Variants in MIPOL1 observed in about 807,000 individuals in gnomAD.
MIPOL1 encodes the protein mirror-image polydactyly gene 1 protein.
MIPOL1 carries 57 observed loss-of-function variants against 60.9 expected under a neutral mutation model. That is an observed-to-expected ratio of 0.94 (90% CI 0.76 to 1.17). The LOEUF is 1.17. MIPOL1 is among the 50% of genes most tolerant of loss of function. MIPOL1 has a pLI of 0.00. For missense variants in MIPOL1, 551 were observed against 511.6 expected, an observed-to-expected ratio of 1.08 and a Z score of -0.74; for synonymous variants, 179 against 168.8, an observed-to-expected ratio of 1.06 and a Z score of -0.47.
intron 10 of MIPOL1, among the ~76,000 whole-genome samples, chr14:37,398,743 A>T (rs1213006931): frequency 1.3e-5 from 2 of 152,232 alleles, no homozygotes; most frequent in Non-Finnish European, 2.9e-5. Context: ...GGTGTGCAGG[A>T]CATTGAACGA....
intron 9 of MIPOL1, among the ~76,000 whole-genome samples, chr14:37,366,884 C>G (rs1030934376): frequency 2.6e-5 from 4 of 151,930 alleles, no homozygotes; most frequent in African/African-American, 9.7e-5. Flanking sequence ...GCTGAATTGA[C>G]CACTTTATCA....
chr14:37,323,210 C>A (rs1003956358), intron 9 of MIPOL1, among the ~76,000 whole-genome samples: 2 of 152,082 alleles, frequency 1.3e-5, no homozygotes, highest in Admixed American at 1.3e-4. Context: ...CCAGTTTTCC[C>A]AACACCATTT....
rs150491486 is a variant in MIPOL1, at chr14:37,545,899, G to A, written c.1263-1006G>A. On this transcript the variant is annotated intron_variant, in intron 12 of 12. Transcript: ENST00000684589. ...ACTGTGAAGCAGACTAGACTGTGCC[G>A]CTTACCGTAAAGTCTTTGAGAGAGG... The A allele has an allele frequency of 3.4e-3, 1,182 of 343,182 alleles. 13 individuals are homozygous for A. Among genetic ancestry groups the A allele is most frequent in the African/African-American group, 0.018 (874 of 47,710 alleles). The allele number at this position is 343,182 out of a possible 1,614,324, so 21.3% of individuals were successfully genotyped here.
At chr14:37,486,285 G>C (rs1390503039) in intron 11 of MIPOL1, among the ~76,000 whole-genome samples, 1 of 152,106 alleles carries the variant, frequency 6.6e-6, no homozygotes, top group Non-Finnish European at 1.5e-5. Context: ...CTCCAGCTTT[G>C]TTCTTTTTGC....
chr14:37,372,069 T>G (rs1341302978), intron 10 of MIPOL1, among the ~76,000 whole-genome samples: 1 of 152,088 alleles, frequency 6.6e-6, no homozygotes, highest in Non-Finnish European at 1.5e-5. Context: ...CTGCCAATAA[T>G]ATTTTTAGTA....
At chr14:37,526,309 A>G (rs1190112018) in intron 12 of MIPOL1, among the ~76,000 whole-genome samples, 1 of 148,996 alleles carries the variant, frequency 6.7e-6, no homozygotes, top group Non-Finnish European at 1.5e-5. Context: ...GTTTAGAATT[A>G]TTGCTGTACT....
intron 9 of MIPOL1, among the ~76,000 whole-genome samples, chr14:37,319,949 A>G (rs2088379634): frequency 6.6e-6 from 1 of 152,090 alleles, no homozygotes; most frequent in Non-Finnish European, 1.5e-5. Context: ...TAACTACTGT[A>G]TGTTGATCTG....
intron 12 of MIPOL1, among the ~76,000 whole-genome samples, chr14:37,521,893 A>AAAATATAT (rs371492296): frequency 4.2e-4 from 52 of 123,564 alleles, no homozygotes; most frequent in African/African-American, 1.6e-3. Context: ...AAGAAAAAAA[A>AAAATATAT]ATATATATAT....
At chr14:37,545,647 C>T in intron 12 of MIPOL1, 1 of 643,648 alleles carries the variant, frequency 1.6e-6, no homozygotes, top group Non-Finnish European at 2.8e-6. Flanking sequence ...GTTTTATTTT[C>T]CTGTTTTTTG....
intron 9 of MIPOL1, among the ~76,000 whole-genome samples, chr14:37,335,463 A>G (rs2090038082): frequency 6.6e-6 from 1 of 152,048 alleles, no homozygotes; most frequent in Non-Finnish European, 1.5e-5. Flanking sequence ...TTCTTTGTCT[A>G]TGAAGTTGAG....
At chr14:37,233,768 C>T (rs963711017) in intron 1 of MIPOL1, among the ~76,000 whole-genome samples, 1 of 152,158 alleles carries the variant, frequency 6.6e-6, no homozygotes, top group African/African-American at 2.4e-5. Flanking sequence ...CTTTTCTAGG[C>T]ATTTTTCTGC....
At chr14:37,445,756 AG>A (rs2094323853) in intron 11 of MIPOL1, among the ~76,000 whole-genome samples, 1 of 152,020 alleles carries the variant, frequency 6.6e-6, no homozygotes, top group South Asian at 2.1e-4. Context: ...CAGAGCCCTC[AG>A]AAATAACACC....
chr14:37,410,076 T>A (rs2093656556), intron 10 of MIPOL1, among the ~76,000 whole-genome samples: 1 of 152,180 alleles, frequency 6.6e-6, no homozygotes, highest in East Asian at 1.9e-4. Context: ...TGAGGAATTC[T>A]AACATGAAGG....
intron 11 of MIPOL1, among the ~76,000 whole-genome samples, chr14:37,458,200 A>G (rs1401198010): frequency 6.6e-6 from 1 of 152,156 alleles, no homozygotes; most frequent in Non-Finnish European, 1.5e-5. Flanking sequence ...AAAGAGATAA[A>G]CAGCAATACA....
At chr14:37,485,859 GC>G (rs2094938643) in intron 11 of MIPOL1, among the ~76,000 whole-genome samples, 1 of 152,006 alleles carries the variant, frequency 6.6e-6, no homozygotes, top group Non-Finnish European at 1.5e-5. Flanking sequence ...GTCAATTTTG[GC>G]TTTTGTTGCC....
Position 37,270,440 on chromosome 14 carries a change from A to G in MIPOL1, c.408A>G (p.Lys136=). 1 of 1,590,086 alleles carries G rather than the reference A, an allele frequency of 6.3e-7. No individual in the cohort carries two copies. Among genetic ancestry groups the G allele is most frequent in the Non-Finnish European group, 8.6e-7 (1 of 1,167,662 alleles). ...SNKKLQQKLA[K]EDKEQRKLKF... is the part of the protein sequence containing the mutation. ...TTTAGCTTCAGCAGAAATTGGCTAAAGAAGATAAAGAACAGAGAAAACTAA... is the reference window on the plus strand; with the variant it reads ...TTTAGCTTCAGCAGAAATTGGCTAAGGAAGATAAAGAACAGAGAAAACTAA... The change falls in exon 6 of 13, where the codon AAA becomes AAG. Residue 136 remains lysine, a synonymous_variant. Coordinates refer to ENST00000684589, the MANE Select transcript of MIPOL1 (RefSeq NM_001388067.1).
intron 11 of MIPOL1, among the ~76,000 whole-genome samples, chr14:37,444,220 A>G (rs1186652202): frequency 6.6e-6 from 1 of 152,176 alleles, no homozygotes; most frequent in African/African-American, 2.4e-5. Flanking sequence ...CTAATTGTTC[A>G]TTGCTAATAT....
chr14:37,336,861 A>G (rs923116811), intron 9 of MIPOL1, among the ~76,000 whole-genome samples: 6 of 151,898 alleles, frequency 4.0e-5, no homozygotes, highest in Non-Finnish European at 5.9e-5. Context: ...CCCAGGTTCA[A>G]TCGATTCTCC....
At chr14:37,294,570 G>A (rs1594956476) in intron 7 of MIPOL1, among the ~76,000 whole-genome samples, 1 of 152,108 alleles carries the variant, frequency 6.6e-6, no homozygotes, top group South Asian at 2.1e-4. Context: ...AAAAAAATTA[G>A]ACGAATGGAT....
Sources: gnomAD v4.1 joint callset for allele counts (sites outside exome capture counted in the v4.1 genomes callset) on GRCh38, gnomAD v4.1.1 for gene constraint, MANE v1.5 for transcripts, NCBI Gene and HGNC (gene_info 2026-07-23, HGNC 2026-07-21) for gene names.